The following SPMIP7 variants were observed in gnomAD, a reference collection of about 807,000 sequenced individuals.
SPMIP7 encodes the protein protein SPMIP7.
the SPMIP7 span, among the ~76,000 whole-genome samples, chr7:50,104,867 T>A: frequency 6.6e-6 from 1 of 152,222 alleles, no homozygotes; most frequent in Non-Finnish European, 1.5e-5. Context: ...TTCCTTCTCC[T>A]ATTCTTCTGT....
chr7:50,142,629 A>G, the SPMIP7 span: 2 of 152,224 alleles, frequency 1.3e-5, no homozygotes, highest in African/African-American at 4.8e-5. Flanking sequence ...ATATTTATAG[A>G]CACAGAAAGA....
chr7:50,099,748 C>T, the SPMIP7 span, among the ~76,000 whole-genome samples: 1 of 152,184 alleles, frequency 6.6e-6, no homozygotes, highest in Non-Finnish European at 1.5e-5. Context: ...AGTTTCATGA[C>T]TGATAAGACA....
the SPMIP7 span, among the ~76,000 whole-genome samples, chr7:50,146,412 A>C: frequency 6.6e-6 from 1 of 152,202 alleles, no homozygotes; most frequent in Non-Finnish European, 1.5e-5. Context: ...GCTTTGAGTT[A>C]TACTGTTTCT....
At chr7:50,128,031 C>T in the SPMIP7 span, among the ~76,000 whole-genome samples, 8 of 151,972 alleles carry the variant, frequency 5.3e-5, no homozygotes, top group Non-Finnish European at 1.2e-4. Context: ...TATTGCAGCC[C>T]TATTCGCATT....
chr7:50,127,424 A>G, the SPMIP7 span, among the ~76,000 whole-genome samples: 1 of 151,678 alleles, frequency 6.6e-6, no homozygotes, highest in Non-Finnish European at 1.5e-5. Context: ...ACATCAAGCT[A>G]AAAAGCTCTG....
chr7:50,155,857 A>G, the SPMIP7 span, among the ~76,000 whole-genome samples: 1 of 152,268 alleles, frequency 6.6e-6, no homozygotes, highest in Non-Finnish European at 1.5e-5. Context: ...TACTGCACAT[A>G]CAGCTCTCAT....
At chr7:50,130,562 G>GATATCAAACCATATCA in the SPMIP7 span, among the ~76,000 whole-genome samples, 2 of 152,038 alleles carry the variant, frequency 1.3e-5, no homozygotes, top group Non-Finnish European at 2.9e-5. Context: ...TATCAAAAGG[G>GATATCAAACCATATCA]AAACAGACAA....
At chr7:50,135,747 T>C in the SPMIP7 span, among the ~76,000 whole-genome samples, 59 of 152,186 alleles carry the variant, frequency 3.9e-4, no homozygotes, top group Non-Finnish European at 7.3e-4. Context: ...AGTGGGAAAC[T>C]GGCCTGGGTT....
the SPMIP7 span, among the ~76,000 whole-genome samples, chr7:50,150,464 C>T: frequency 5.9e-5 from 9 of 152,268 alleles, no homozygotes; most frequent in Non-Finnish European, 7.4e-5. Context: ...GAGGCCATGG[C>T]GTTGATACGA....
At chr7:50,142,424 G>A in the SPMIP7 span, 1 of 152,136 alleles carries the variant, frequency 6.6e-6, no homozygotes, top group Non-Finnish European at 1.5e-5. Context: ...TCATCTTGCT[G>A]TTAATTTCTG....
At chr7:50,158,907 C>T in the SPMIP7 span, 2 of 779,374 alleles carry the variant, frequency 2.6e-6, no homozygotes, top group Non-Finnish European at 2.0e-6. Context: ...CTCCCCAGCA[C>T]GAGTCATCCT....
the SPMIP7 span, among the ~76,000 whole-genome samples, chr7:50,148,264 A>G: frequency 6.6e-6 from 1 of 152,246 alleles, no homozygotes; most frequent in Non-Finnish European, 1.5e-5. Context: ...GCAGCTAATC[A>G]GTCTAATCTT....
At chr7:50,110,549 A>T in the SPMIP7 span, among the ~76,000 whole-genome samples, 2 of 144,112 alleles carry the variant, frequency 1.4e-5, no homozygotes, top group Non-Finnish European at 3.0e-5. Context: ...GATATATATT[A>T]TATGCTTATA....
the SPMIP7 span, among the ~76,000 whole-genome samples, chr7:50,135,125 A>C: frequency 6.6e-6 from 1 of 151,254 alleles, no homozygotes; most frequent in Admixed American, 6.6e-5. Flanking sequence ...TGCCTTCATC[A>C]CTCTCCCTAT....
chr7:50,123,623 G>A, the SPMIP7 span, among the ~76,000 whole-genome samples: 5 of 150,004 alleles, frequency 3.3e-5, no homozygotes, highest in South Asian at 2.1e-4. Context: ...GTTTGTACAC[G>A]TTATGTGAAG....
At chr7:50,145,621 TA>T in the SPMIP7 span, among the ~76,000 whole-genome samples, 1 of 50,980 alleles carries the variant, frequency 2.0e-5, no homozygotes, top group South Asian at 8.6e-4. Context: ...TGTGTGTGTA[TA>T]TATATATATA....
At chr7:50,139,136 G>A in the SPMIP7 span, among the ~76,000 whole-genome samples, 1 of 152,018 alleles carries the variant, frequency 6.6e-6, no homozygotes, top group African/African-American at 2.4e-5. Flanking sequence ...AGATCACGAG[G>A]TCAGGAGATT....
chr7:50,142,241 C>T, the SPMIP7 span: 1 of 152,048 alleles, frequency 6.6e-6, no homozygotes, highest in African/African-American at 2.4e-5. Context: ...TTCTTTGATA[C>T]GTATATCTAA....
At chr7:50,125,836 G>C in the SPMIP7 span, among the ~76,000 whole-genome samples, 1 of 151,990 alleles carries the variant, frequency 6.6e-6, no homozygotes, top group African/African-American at 2.4e-5. Context: ...TGGAGAAAAT[G>C]AAAGATGTTG....
Sources: gnomAD v4.1 joint callset for allele counts (sites outside exome capture counted in the v4.1 genomes callset) on GRCh38, gnomAD v4.1.1 for gene constraint, MANE v1.5 for transcripts, NCBI Gene and HGNC (gene_info 2026-07-23, HGNC 2026-07-21) for gene names.